AP3B1: variants seen among roughly 807,000 people sequenced by gnomAD.
AP3B1 encodes the protein AP-3 complex subunit beta-1.
Under a neutral mutation model 132.5 loss-of-function variants are expected in AP3B1, and 61 were observed. The ratio of observed to expected loss-of-function variants is 0.46; its 90% CI spans 0.37 to 0.57. The LOEUF is 0.57. Among genes scored for constraint, AP3B1 ranks in the 20% least tolerant of loss-of-function variants. AP3B1 has a pLI of 0.00. For synonymous variants in AP3B1, 388 were observed against 438.3 expected, an observed-to-expected ratio of 0.89 and a Z score of 1.43; for missense variants, 1,120 against 1,289.4, an observed-to-expected ratio of 0.87 and a Z score of 2.01.
chr5:78,220,671 A>T (rs1746138382), intron 6 of AP3B1, among the ~76,000 whole-genome samples: 1 of 151,864 alleles, frequency 6.6e-6, no homozygotes, highest in East Asian at 1.9e-4. Flanking sequence ...GTAGAAAGGG[A>T]AAGTTTCACG....
chr5:78,084,733 AAATT>A (rs1750167913), intron 22 of AP3B1, among the ~76,000 whole-genome samples: 1 of 152,044 alleles, frequency 6.6e-6, no homozygotes, highest in South Asian at 2.1e-4. Flanking sequence ...ATGCAGAAGA[AAATT>A]AAATATAAAA....
At chr5:78,176,514 C>T (rs2112403564) in intron 9 of AP3B1, among the ~76,000 whole-genome samples, 1 of 152,242 alleles carries the variant, frequency 6.6e-6, no homozygotes, top group South Asian at 2.1e-4. Context: ...ATAGTTTTTT[C>T]CTTCCAACGC....
At chr5:78,022,343 T>C (rs572398165) in intron 24 of AP3B1, among the ~76,000 whole-genome samples, 3 of 152,272 alleles carry the variant, frequency 2.0e-5, no homozygotes, top group East Asian at 3.9e-4. Flanking sequence ...GTGGAAAGCA[T>C]TCTGCAGGAA....
At chr5:78,006,464 A>G (rs1453363438) in intron 26 of AP3B1, among the ~76,000 whole-genome samples, 1 of 152,222 alleles carries the variant, frequency 6.6e-6, no homozygotes, top group Non-Finnish European at 1.5e-5. Context: ...TGCGTAATTC[A>G]AAGCGTGCGG....
intron 15 of AP3B1, among the ~76,000 whole-genome samples, chr5:78,130,306 T>C (rs961496321): frequency 1.5e-4 from 23 of 151,986 alleles, no homozygotes; most frequent in Non-Finnish European, 3.2e-4. Context: ...TTATGCACAT[T>C]AGAAGCAGAT....
intron 11 of AP3B1, among the ~76,000 whole-genome samples, chr5:78,167,551 G>A (rs1743689755): frequency 6.6e-6 from 1 of 151,840 alleles, no homozygotes; most frequent in South Asian, 2.1e-4. Flanking sequence ...GTTTATAGCA[G>A]CACAATTTGC....
intron 24 of AP3B1, among the ~76,000 whole-genome samples, chr5:78,033,949 C>A (rs1747689737): frequency 6.6e-6 from 1 of 151,808 alleles, no homozygotes; most frequent in South Asian, 2.1e-4. Context: ...TTAAGAATCT[C>A]AAGATAACAT....
intron 1 of AP3B1, among the ~76,000 whole-genome samples, chr5:78,281,716 C>G (rs935899379): frequency 6.6e-6 from 1 of 152,006 alleles, no homozygotes; most frequent in Non-Finnish European, 1.5e-5. Flanking sequence ...AGATGGGACT[C>G]TGTGTGTATG....
chr5:78,137,933 T>C (rs1232880333), intron 15 of AP3B1, among the ~76,000 whole-genome samples: 1 of 152,106 alleles, frequency 6.6e-6, no homozygotes, highest in Non-Finnish European at 1.5e-5. Context: ...CACTGAGGTA[T>C]TTAGGCCACC....
At chr5:78,255,269 T>C (rs1292411066) in intron 2 of AP3B1, among the ~76,000 whole-genome samples, 2 of 151,990 alleles carry the variant, frequency 1.3e-5, no homozygotes, top group Non-Finnish European at 2.9e-5. Flanking sequence ...TTAACATAAA[T>C]GGACTAAACT....
chr5:78,067,520 A>G (rs1025268985), intron 22 of AP3B1, among the ~76,000 whole-genome samples: 2 of 152,254 alleles, frequency 1.3e-5, no homozygotes, highest in African/African-American at 4.8e-5. Flanking sequence ...CATCATCGGA[A>G]GTAAAACACT....
rs1008084620 is a variant in AP3B1 at position 78,129,397 on chromosome 5, T to C, written c.1651-90A>G. On this transcript the variant is annotated intron_variant, in intron 15 of 26. Transcript: ENST00000255194. ...AACATATTTAAAGAGGTAATAAAAA[T>C]GAATGGTTATGTCAAACAAATGTTG... 1.4e-5 allele frequency: 15 copies of C among 1,084,240 alleles called. No homozygotes were observed. In the African/African-American group the frequency reaches 2.0e-4, roughly 15 times the overall value. The allele number at this position is 1,084,240 out of a possible 1,614,324, so 67.2% of individuals were successfully genotyped here. A position where few individuals can be genotyped will look rare whatever the true frequency, so the allele number is the denominator to read the frequency against.
At chr5:78,251,780 G>A (rs535128634) in intron 2 of AP3B1, among the ~76,000 whole-genome samples, 46 of 152,276 alleles carry the variant, frequency 3.0e-4, no homozygotes, top group South Asian at 1.5e-3. Context: ...CAACTCTTTG[G>A]CAAGTCCTAC....
At chr5:78,007,104 G>C (rs566053119) in intron 26 of AP3B1, among the ~76,000 whole-genome samples, 3 of 152,186 alleles carry the variant, frequency 2.0e-5, no homozygotes, top group Non-Finnish European at 2.9e-5. Flanking sequence ...TTTAAGATTT[G>C]TAACAAACTG....
chr5:78,172,460 T>C (rs1183336439), intron 11 of AP3B1, among the ~76,000 whole-genome samples: 1 of 152,250 alleles, frequency 6.6e-6, no homozygotes, highest in Non-Finnish European at 1.5e-5. Flanking sequence ...TCGTTTAGTC[T>C]TGGGAGTGTG....
chr5:78,234,327 T>C (rs1344777988), intron 3 of AP3B1, among the ~76,000 whole-genome samples: 1 of 152,168 alleles, frequency 6.6e-6, no homozygotes, highest in Non-Finnish European at 1.5e-5. Context: ...AATACAAATA[T>C]AGGTATAAGA....
chr5:78,059,843 CTT>C (rs1328214051), intron 22 of AP3B1, among the ~76,000 whole-genome samples: 10 of 152,118 alleles, frequency 6.6e-5, no homozygotes, highest in African/African-American at 2.4e-4. Flanking sequence ...TCTTTACCCC[CTT>C]TATTTAGTAT....
intron 1 of AP3B1, among the ~76,000 whole-genome samples, chr5:78,270,995 A>G (rs1272006641): frequency 6.6e-6 from 1 of 152,222 alleles, no homozygotes; most frequent in Non-Finnish European, 1.5e-5. Context: ...AACAAACATA[A>G]TAAGTAAGAA....
chr5:78,120,609 A>G (rs1226238678), intron 17 of AP3B1, among the ~76,000 whole-genome samples: 2 of 152,008 alleles, frequency 1.3e-5, no homozygotes, highest in African/African-American at 2.4e-5. Flanking sequence ...CCATTACATA[A>G]TGGTAAAGGG....
Sources: allele counts gnomAD v4.1 joint callset (sites outside exome capture counted in the v4.1 genomes callset), GRCh38; gene constraint gnomAD v4.1.1; transcripts MANE v1.5; gene names NCBI Gene and HGNC (gene_info 2026-07-23, HGNC 2026-07-21).